Variants in CSMD1 observed in about 807,000 individuals in gnomAD.
The protein encoded by CSMD1 is CUB and sushi domain-containing protein 1.
In CSMD1, 213 loss-of-function variants were observed where a neutral mutation model predicts 417.5. That is an observed-to-expected ratio of 0.51 (90% CI 0.46 to 0.57). The LOEUF (loss-of-function observed/expected upper bound fraction) is 0.57, where lower values mean the gene tolerates loss of function less well. Ranked by LOEUF, CSMD1 falls within the 20% of genes least tolerant of loss-of-function variation. CSMD1 has a pLI of 0.00. For missense variants in CSMD1, 6,923 were observed against 4,529.7 expected (o/e 1.53, Z -15.17); for synonymous variants, 2,862 against 1,736.8 (o/e 1.65, Z -16.11).
chr8:3,060,053 G>A (rs1812489092), intron 49 of CSMD1, among the ~76,000 whole-genome samples: 1 of 152,010 alleles, frequency 6.6e-6, no homozygotes. Flanking sequence ...ACCGCAAACT[G>A]GAATAAAGTA....
intron 7 of CSMD1, among the ~76,000 whole-genome samples, chr8:3,621,028 A>G (rs571234248): frequency 2.8e-4 from 42 of 152,068 alleles, no homozygotes; most frequent in Admixed American, 4.6e-4. Context: ...CCCTTCTAAG[A>G]AGGGTAAGTT....
At chr8:3,433,284 T>C (rs1250497931) in intron 12 of CSMD1, among the ~76,000 whole-genome samples, 2 of 152,234 alleles carry the variant, frequency 1.3e-5, no homozygotes, top group Non-Finnish European at 2.9e-5. Flanking sequence ...CCAGGTCTTC[T>C]GACCATATAG....
At chr8:4,312,280 T>A (rs955076512) in intron 3 of CSMD1, among the ~76,000 whole-genome samples, 2 of 151,704 alleles carry the variant, frequency 1.3e-5, no homozygotes, top group Non-Finnish European at 2.9e-5. Context: ...TTAGCATTGA[T>A]GTATACTCAT....
At chr8:3,315,057 G>C (rs78199697) in intron 23 of CSMD1, among the ~76,000 whole-genome samples, 2 of 152,236 alleles carry the variant, frequency 1.3e-5, no homozygotes, top group East Asian at 3.9e-4. Context: ...AAAGCTTGAA[G>C]TATTTACAAA....
At chr8:4,182,827 G>C (rs557354154) in intron 3 of CSMD1, among the ~76,000 whole-genome samples, 54 of 152,112 alleles carry the variant, frequency 3.6e-4, no homozygotes, top group Non-Finnish European at 6.6e-4. Flanking sequence ...GCAATTATAA[G>C]GGTCATTCTA....
intron 1 of CSMD1, among the ~76,000 whole-genome samples, chr8:4,694,099 T>G (rs187487944): frequency 6.6e-6 from 1 of 152,216 alleles, no homozygotes; most frequent in East Asian, 1.9e-4. Flanking sequence ...GCTTCTAAGA[T>G]AAAAATTGCT....
intron 1 of CSMD1, among the ~76,000 whole-genome samples, chr8:4,788,880 G>A (rs1159393365): frequency 6.6e-6 from 1 of 152,322 alleles, no homozygotes; most frequent in South Asian, 2.1e-4. Flanking sequence ...CTCCAGGGCA[G>A]GCACATGCCC....
intron 4 of CSMD1, among the ~76,000 whole-genome samples, chr8:4,003,952 A>G (rs1330430224): frequency 1.3e-5 from 2 of 152,090 alleles, no homozygotes; most frequent in East Asian, 1.9e-4. Flanking sequence ...GAACAAAACA[A>G]AAAAACCATC....
At chr8:4,463,476 G>C (rs543488622) in intron 2 of CSMD1, among the ~76,000 whole-genome samples, 3 of 152,244 alleles carry the variant, frequency 2.0e-5, no homozygotes, top group South Asian at 2.1e-4. Context: ...TTATAGCAGA[G>C]TTATTCATAA....
chr8:4,202,071 C>T (rs1799687702), intron 3 of CSMD1, among the ~76,000 whole-genome samples: 1 of 149,378 alleles, frequency 6.7e-6, no homozygotes, highest in South Asian at 2.2e-4. Context: ...TTAATGCTTG[C>T]CTCTCAGTTT....
chr8:4,749,402 A>T (rs1055386297), intron 1 of CSMD1, among the ~76,000 whole-genome samples: 3 of 152,252 alleles, frequency 2.0e-5, no homozygotes, highest in Admixed American at 6.5e-5. Flanking sequence ...TAAACACTTC[A>T]TATATTCTGA....
chr8:4,325,824 T>G (rs1481777306), intron 3 of CSMD1, among the ~76,000 whole-genome samples: 1 of 152,152 alleles, frequency 6.6e-6, no homozygotes, highest in South Asian at 2.1e-4. Context: ...TGAGAACGAC[T>G]GTAGATTAAC....
At chr8:3,160,563 A>G (rs140255666) in intron 38 of CSMD1, among the ~76,000 whole-genome samples, 1,642 of 152,340 alleles carry the variant, frequency 0.011, 10 homozygotes, top group Non-Finnish European at 0.018. Context: ...AGTTTCCACT[A>G]CAGAGACTCT....
At chr8:3,489,010 C>A (rs1442763155) in intron 11 of CSMD1, among the ~76,000 whole-genome samples, 1 of 152,156 alleles carries the variant, frequency 6.6e-6, no homozygotes, top group Non-Finnish European at 1.5e-5. Flanking sequence ...CAAGGCACTA[C>A]ATGTTTAGTG....
At chr8:3,276,287 C>A (rs1447629125) in intron 26 of CSMD1, among the ~76,000 whole-genome samples, 1 of 152,196 alleles carries the variant, frequency 6.6e-6, no homozygotes, top group African/African-American at 2.4e-5. Flanking sequence ...GTTGTCAGAT[C>A]TCCAGCTGCA....
chr8:3,757,778 G>A (rs551993337), intron 5 of CSMD1, among the ~76,000 whole-genome samples: 2 of 151,946 alleles, frequency 1.3e-5, no homozygotes, highest in African/African-American at 2.4e-5. Flanking sequence ...GAACCTGGGA[G>A]GCAGAGGTTG....
chr8:4,326,165 T>C (rs182425282), intron 3 of CSMD1, among the ~76,000 whole-genome samples: 1 of 152,116 alleles, frequency 6.6e-6, no homozygotes, highest in African/African-American at 2.4e-5. Context: ...GCCAGAGAAT[T>C]TGGCTTTCTA....
At chr8:3,037,496 G>C (rs1287353486) in intron 50 of CSMD1, among the ~76,000 whole-genome samples, 5 of 152,210 alleles carry the variant, frequency 3.3e-5, no homozygotes, top group African/African-American at 9.6e-5. Flanking sequence ...TCCACTCATT[G>C]GTTGATGGGC....
intron 5 of CSMD1, among the ~76,000 whole-genome samples, chr8:3,979,924 G>C (rs1241921122): frequency 1.3e-5 from 2 of 152,168 alleles, no homozygotes; most frequent in Non-Finnish European, 2.9e-5. Flanking sequence ...AAGACCCTTT[G>C]TCCTCAATAA....
Sources: gnomAD v4.1 joint callset for allele counts (sites outside exome capture counted in the v4.1 genomes callset) on GRCh38, gnomAD v4.1.1 for gene constraint, MANE v1.5 for transcripts, NCBI Gene and HGNC (gene_info 2026-07-23, HGNC 2026-07-21) for gene names.